TMEM51: variants seen among roughly 807,000 people sequenced by gnomAD.
TMEM51 encodes chromosome 1 open reading frame 72.
In TMEM51, 8 loss-of-function variants were observed where a neutral mutation model predicts 13.6. The observed-to-expected ratio is 0.59, with a 90% CI of 0.35 to 1.07. The LOEUF is 1.07. Ranked by LOEUF, TMEM51 falls within the 50% of genes least tolerant of loss-of-function variation. The pLI is 0.02. For synonymous variants in TMEM51, 147 were observed against 144.4 expected, an observed-to-expected ratio of 1.02 and a Z score of -0.13; for missense variants, 279 against 330.7, an observed-to-expected ratio of 0.84 and a Z score of 1.21.
intron 2 of TMEM51, among the ~76,000 whole-genome samples, chr1:15,210,837 C>T (rs535705764): frequency 9.9e-5 from 15 of 152,256 alleles, no homozygotes; most frequent in African/African-American, 3.1e-4. Flanking sequence ...AAATATAGCT[C>T]GGGTGCTGTC....
intron 1 of TMEM51, among the ~76,000 whole-genome samples, chr1:15,155,063 C>A (rs775883932): frequency 6.6e-6 from 1 of 152,184 alleles, no homozygotes; most frequent in Non-Finnish European, 1.5e-5. Flanking sequence ...GCTTTCACAC[C>A]CCGGAAACCT....
intron 1 of TMEM51, among the ~76,000 whole-genome samples, chr1:15,163,837 G>A (rs1012899507): frequency 1.5e-5 from 2 of 136,054 alleles, no homozygotes; most frequent in Non-Finnish European, 1.6e-5. Flanking sequence ...TGGGGGGGGG[G>A]AGGGGGGAGG....
intron 1 of TMEM51, among the ~76,000 whole-genome samples, chr1:15,172,478 AAAG>A (rs755179462): frequency 1.5e-4 from 23 of 151,910 alleles, no homozygotes; most frequent in African/African-American, 4.3e-4. Context: ...AAAGAAGAAA[AAAG>A]AAAGAGAAGA....
At position 15,183,550 on chromosome 1, in the gene TMEM51, T is replaced by TA. The variant is rs1375397034; in HGVS notation, c.-266-26938dup. ...AAGATAACTATAGATTGCATGAAGA[T>TA]AATTCTTGTAAAGAAAACTTACTAC... On this transcript the variant is annotated intron_variant, in intron 1 of 3. Coordinates refer to ENST00000376008, the MANE Select transcript of TMEM51 (RefSeq NM_001136218.2). 2.0e-5 allele frequency among the ~76,000 whole-genome samples: 3 copies of TA among 152,370 alleles called. No homozygotes were observed. In the East Asian group the frequency reaches 5.8e-4, roughly 29 times the overall value.
At chr1:15,193,248 G>A (rs1194306100) in intron 1 of TMEM51, among the ~76,000 whole-genome samples, 1 of 152,240 alleles carries the variant, frequency 6.6e-6, no homozygotes, top group Admixed American at 6.5e-5. Flanking sequence ...TGCACCAGCT[G>A]CCGGCCCTAG....
At chr1:15,217,701 A>T (rs903516682) in intron 3 of TMEM51, among the ~76,000 whole-genome samples, 2 of 152,180 alleles carry the variant, frequency 1.3e-5, no homozygotes, top group African/African-American at 4.8e-5. Flanking sequence ...TCAAGCAGTG[A>T]GGCAGGGAGA....
At chr1:15,171,439 C>A in intron 1 of TMEM51, 2 of 850,936 alleles carry the variant, frequency 2.4e-6, no homozygotes, top group Non-Finnish European at 3.2e-6. Context: ...GGTACACGGG[C>A]AAACTGGTGG....
chr1:15,205,906 C>T (rs377228417), intron 1 of TMEM51, among the ~76,000 whole-genome samples: 1 of 151,990 alleles, frequency 6.6e-6, no homozygotes, highest in Non-Finnish European at 1.5e-5. Flanking sequence ...GTAGGGGAAC[C>T]GGGAATTGTT....
chr1:15,154,607 C>G (rs1010128779), intron 1 of TMEM51, among the ~76,000 whole-genome samples: 2 of 152,094 alleles, frequency 1.3e-5, no homozygotes, highest in Non-Finnish European at 2.9e-5. Flanking sequence ...GTTACGTTAC[C>G]GGGCCTAGGG....
intron 1 of TMEM51, among the ~76,000 whole-genome samples, chr1:15,205,141 T>C (rs909860527): frequency 5.3e-5 from 8 of 152,170 alleles, no homozygotes; most frequent in Non-Finnish European, 8.8e-5. Flanking sequence ...AAAGACACTA[T>C]GTCAAGTGCC....
intron 1 of TMEM51, chr1:15,191,920 A>G (rs990806877): frequency 7.5e-6 from 4 of 529,826 alleles, no homozygotes; most frequent in Non-Finnish European, 1.5e-5. Context: ...CTCCTTTTCC[A>G]GAAGTTGTAG....
At position 15,191,971 on chromosome 1, in the gene TMEM51, G is replaced by C. The variant is rs998505019; in HGVS notation, c.-266-18519G>C. 5.6e-6 allele frequency: 3 copies of C among 534,262 alleles called. No individual in the cohort carries two copies. In the African/African-American group the frequency reaches 5.8e-5, roughly 10 times the overall value. The allele number at this position is 534,262 out of a possible 1,614,324, so 33.1% of individuals were successfully genotyped here. On this transcript the variant is annotated intron_variant, in intron 1 of 3. Transcript: ENST00000376008. ...GATTATGTGTCGTCTTAGTGAAGCT[G>C]CGTCTACAACAGTCAGGTCATCCGA...
intron 1 of TMEM51, among the ~76,000 whole-genome samples, chr1:15,209,848 T>C (rs1644310871): frequency 6.6e-6 from 1 of 152,092 alleles, no homozygotes; most frequent in Non-Finnish European, 1.5e-5. Flanking sequence ...ATGGCCAACA[T>C]GGTGAAACCC....
chr1:15,178,094 G>A (rs1259493621), intron 1 of TMEM51, among the ~76,000 whole-genome samples: 2 of 151,866 alleles, frequency 1.3e-5, no homozygotes, highest in Admixed American at 6.6e-5. Context: ...CCTTGCACAG[G>A]CATTTAGCAC....
chr1:15,175,839 G>A (rs567270170), intron 1 of TMEM51, among the ~76,000 whole-genome samples: 76 of 152,294 alleles, frequency 5.0e-4, no homozygotes, highest in African/African-American at 1.8e-3. Flanking sequence ...TGACACATGG[G>A]ATTCATTACA....
chr1:15,185,113 C>T (rs1160493347), intron 1 of TMEM51, among the ~76,000 whole-genome samples: 2 of 151,714 alleles, frequency 1.3e-5, no homozygotes, highest in Non-Finnish European at 1.5e-5. Flanking sequence ...TTGTTCTGTG[C>T]GTATACGCAG....
At chr1:15,170,220 G>A (rs934637492) in intron 1 of TMEM51, among the ~76,000 whole-genome samples, 9 of 152,058 alleles carry the variant, frequency 5.9e-5, no homozygotes, top group South Asian at 2.1e-4. Context: ...CCTGAGAGTC[G>A]TGGGGCTTTA....
intron 1 of TMEM51, among the ~76,000 whole-genome samples, chr1:15,170,116 T>C (rs1643192362): frequency 6.6e-6 from 1 of 150,922 alleles, no homozygotes; most frequent in Non-Finnish European, 1.5e-5. Flanking sequence ...CTTAAAACAG[T>C]ACATGCTCAA....
intron 1 of TMEM51, among the ~76,000 whole-genome samples, chr1:15,170,727 G>A (rs1411408891): frequency 1.3e-5 from 2 of 152,012 alleles, no homozygotes; most frequent in African/African-American, 4.8e-5. Flanking sequence ...AACAGAAATG[G>A]AGGCAGGTTT....
Sources: allele counts gnomAD v4.1 joint callset (sites outside exome capture counted in the v4.1 genomes callset), GRCh38; gene constraint gnomAD v4.1.1; transcripts MANE v1.5; gene names NCBI Gene and HGNC (gene_info 2026-07-23, HGNC 2026-07-21).